The following NR1H4 variants were observed in gnomAD, a reference collection of about 807,000 sequenced individuals.
NR1H4 encodes the protein nuclear receptor subfamily 1 group H member 4, also known as bile acid receptor.
NR1H4 carries 23 observed loss-of-function variants against 58.5 expected under a neutral mutation model. The observed-to-expected ratio is 0.39, with a 90% CI of 0.28 to 0.56. The LOEUF (loss-of-function observed/expected upper bound fraction) is 0.56, where lower values mean the gene tolerates loss of function less well. Ranked by LOEUF, NR1H4 falls within the 20% of genes least tolerant of loss-of-function variation. The pLI, the probability that NR1H4 is intolerant of heterozygous loss-of-function variation, is 0.58. For missense variants in NR1H4, 487 were observed against 576.9 expected, an observed-to-expected ratio of 0.84 and a Z score of 1.60; for synonymous variants, 214 against 198.0, an observed-to-expected ratio of 1.08 and a Z score of -0.68.
chr12:100,558,305 C>T (rs532968797), intron 9 of NR1H4, among the ~76,000 whole-genome samples: 5 of 145,016 alleles, frequency 3.4e-5, no homozygotes, highest in African/African-American at 5.2e-5. Flanking sequence ...GCCAAGATCA[C>T]GCCACTGCAC....
intron 9 of NR1H4, among the ~76,000 whole-genome samples, chr12:100,553,320 A>G (rs1955249515): frequency 6.6e-6 from 1 of 152,324 alleles, no homozygotes; most frequent in South Asian, 2.1e-4. Flanking sequence ...TATAAAATGT[A>G]TATGGTATTT....
intron 4 of NR1H4, among the ~76,000 whole-genome samples, chr12:100,512,136 G>T (rs1005829941): frequency 6.6e-6 from 1 of 152,060 alleles, no homozygotes; most frequent in Non-Finnish European, 1.5e-5. Context: ...GGGAGGCAGA[G>T]GTGGGAGGAT....
intron 4 of NR1H4, among the ~76,000 whole-genome samples, chr12:100,513,961 T>A (rs1396758796): frequency 6.6e-6 from 1 of 152,224 alleles, no homozygotes; most frequent in Non-Finnish European, 1.5e-5. Context: ...AGAAACCAAC[T>A]GCTGATCTAC....
chr12:100,526,192 T>TA (rs1954552354), intron 4 of NR1H4, among the ~76,000 whole-genome samples: 1 of 18,138 alleles, frequency 5.5e-5, no homozygotes, highest in Non-Finnish European at 2.2e-4. Context: ...TAATTTTAAG[T>TA]ATTTTTTTTT....
chr12:100,524,911 A>G (rs948234010), intron 4 of NR1H4, among the ~76,000 whole-genome samples: 5 of 152,144 alleles, frequency 3.3e-5, no homozygotes, highest in African/African-American at 1.2e-4. Flanking sequence ...CAATCTCTGC[A>G]GTTTTGAAGA....
intron 3 of NR1H4, among the ~76,000 whole-genome samples, chr12:100,501,276 C>T (rs924150016): frequency 6.6e-5 from 10 of 151,886 alleles, no homozygotes; most frequent in African/African-American, 2.4e-4. Flanking sequence ...TCACCTATGA[C>T]CCTCTCAGGG....
intron 1 of NR1H4, among the ~76,000 whole-genome samples, chr12:100,481,070 C>T (rs1361264927): frequency 5.3e-5 from 8 of 152,200 alleles, no homozygotes; most frequent in Admixed American, 4.6e-4. Flanking sequence ...CTCACTTCCA[C>T]CACATTCTGT....
intron 9 of NR1H4, among the ~76,000 whole-genome samples, chr12:100,557,988 A>G (rs61941830): frequency 0.029 from 4,399 of 152,148 alleles, 94 homozygotes; most frequent in Middle Eastern, 0.044. Context: ...TCTCCATCCA[A>G]TGGCTCTTGT....
intron 1 of NR1H4, among the ~76,000 whole-genome samples, chr12:100,474,391 G>T (rs1358134621): frequency 2.0e-5 from 3 of 152,164 alleles, no homozygotes; most frequent in Non-Finnish European, 1.5e-5. Context: ...AATTTGACTT[G>T]TATAGTGTGC....
chr12:100,555,244 A>C (rs957696925), intron 9 of NR1H4, among the ~76,000 whole-genome samples: 2 of 152,234 alleles, frequency 1.3e-5, no homozygotes, highest in Non-Finnish European at 2.9e-5. Context: ...ATTTAATGGC[A>C]TAGCCATAAA....
intron 1 of NR1H4, among the ~76,000 whole-genome samples, chr12:100,480,274 T>G (rs1953350931): frequency 1.3e-5 from 2 of 152,336 alleles, no homozygotes; most frequent in South Asian, 4.1e-4. Flanking sequence ...AAATCATTAT[T>G]TTTTACTATG....
intron 4 of NR1H4, among the ~76,000 whole-genome samples, chr12:100,512,751 G>A (rs1299009479): frequency 1.3e-5 from 2 of 152,112 alleles, no homozygotes; most frequent in Non-Finnish European, 2.9e-5. Context: ...ACCTACCATG[G>A]GTCAGGCACT....
At chr12:100,487,178 G>A (rs1309856878) in intron 1 of NR1H4, among the ~76,000 whole-genome samples, 1 of 152,114 alleles carries the variant, frequency 6.6e-6, no homozygotes, top group Non-Finnish European at 1.5e-5. Flanking sequence ...AGTGAGAGTG[G>A]GTGATGCTAA....
intron 6 of NR1H4, among the ~76,000 whole-genome samples, chr12:100,535,936 AC>A (rs1188989805): frequency 6.6e-6 from 1 of 152,182 alleles, no homozygotes; most frequent in African/African-American, 2.4e-5. Flanking sequence ...CATGGTATCT[AC>A]AACAGCTACT....
At chr12:100,476,121 G>A (rs1953264793) in intron 1 of NR1H4, among the ~76,000 whole-genome samples, 1 of 152,182 alleles carries the variant, frequency 6.6e-6, no homozygotes, top group Non-Finnish European at 1.5e-5. Context: ...TAGTTAGGAA[G>A]TAGCGGGACC....
intron 4 of NR1H4, among the ~76,000 whole-genome samples, chr12:100,524,921 AG>A (rs1450036851): frequency 2.6e-5 from 4 of 152,128 alleles, no homozygotes; most frequent in African/African-American, 7.2e-5. Flanking sequence ...AGTTTTGAAG[AG>A]GGAGTGTTGA....
At chr12:100,492,811 C>A (rs1262602335) in intron 2 of NR1H4, among the ~76,000 whole-genome samples, 174 bp downstream of exon 2, 1 of 151,598 alleles carries the variant, frequency 6.6e-6, no homozygotes, top group Non-Finnish European at 1.5e-5. Context: ...CCTAAATAGT[C>A]AAAAAAAATT....
Position 100,526,697 on chromosome 12 carries a change from A to G in NR1H4, c.446-5761A>G, listed in dbSNP as rs1300690271. On this transcript the variant is annotated intron_variant, in intron 4 of 10. Coordinates refer to ENST00000392986, the MANE Select transcript of NR1H4 (RefSeq NM_001206979.2). ...GGTTTTCAAGGCCATGGTTCTTAGT[A>G]TCTTCCTGTCCTTGTCTCAGAGCTA... is the stretch of plus-strand genomic sequence containing the variant. 4.6e-5 allele frequency among the ~76,000 whole-genome samples: 7 copies of G among 152,090 alleles called. No homozygotes were observed. In the East Asian group the frequency reaches 1.3e-3, roughly 29 times the overall value.
intron 9 of NR1H4, among the ~76,000 whole-genome samples, chr12:100,543,829 G>C (rs1288657278): frequency 6.6e-6 from 1 of 152,114 alleles, no homozygotes; most frequent in Non-Finnish European, 1.5e-5. Flanking sequence ...TGTTGTTTTA[G>C]ACTATTGAAC....
Sources: gnomAD v4.1 joint callset for allele counts (sites outside exome capture counted in the v4.1 genomes callset) on GRCh38, gnomAD v4.1.1 for gene constraint, MANE v1.5 for transcripts, NCBI Gene and HGNC (gene_info 2026-07-23, HGNC 2026-07-21) for gene names.